The following FGD4 variants were observed in gnomAD, a reference collection of about 807,000 sequenced individuals.
FGD4 encodes FYVE, RhoGEF and PH domain containing 4, also known as FYVE, RhoGEF and PH domain-containing protein 4.
FGD4 carries 42 observed loss-of-function variants against 102.0 expected under a neutral mutation model. The ratio of observed to expected loss-of-function variants is 0.41; its 90% confidence interval spans 0.32 to 0.53. The LOEUF is 0.53. Ranked by LOEUF, FGD4 falls within the 20% of genes least tolerant of loss-of-function variation. The pLI, the probability that FGD4 is intolerant of heterozygous loss-of-function variation, is 0.21. For missense variants in FGD4, 902 were observed against 1,078.2 expected, an observed-to-expected ratio of 0.84 and a Z score of 2.29; for synonymous variants, 380 against 375.7, an observed-to-expected ratio of 1.01 and a Z score of -0.13.
chr12:32,540,566 CT>C lies in FGD4; in HGVS notation c.167-23557del, dbSNP rs528437420. ...GCCTTTTTTTTTCTTTCTTTCTTTT[CT>C]TTTTTTTTTTTTTGTGAGACAGAGT... On this transcript the variant is annotated intron_variant, in intron 1 of 16. Transcript: ENST00000534526. Among the ~76,000 whole-genome samples the C allele has an allele frequency of 2.7e-3, 365 of 136,340 alleles. 1 individual carries two copies. Among genetic ancestry groups the C allele is most frequent in the Middle Eastern group, 3.9e-3 (1 of 254 alleles). 89.4% of individuals were successfully genotyped at this position (136,340 alleles called of 152,430 possible). A position where few individuals can be genotyped will look rare whatever the true frequency, so the allele number is the denominator to read the frequency against.
intron 1 of FGD4, among the ~76,000 whole-genome samples, chr12:32,457,132 T>G (rs949762172): frequency 1.3e-5 from 2 of 152,296 alleles, no homozygotes; most frequent in East Asian, 3.9e-4. Flanking sequence ...CTATCCTCAG[T>G]TTTTTATTTA....
chr12:32,585,864 A>G, intron 4 of FGD4, among the ~76,000 whole-genome samples: 1 of 143,366 alleles, frequency 7.0e-6, no homozygotes, highest in Admixed American at 6.9e-5. Context: ...AAAAAAAGGG[A>G]AATGCAGATG....
chr12:32,559,668 T>C (rs1185219483), intron 1 of FGD4, among the ~76,000 whole-genome samples: 2 of 152,242 alleles, frequency 1.3e-5, no homozygotes, highest in Non-Finnish European at 2.9e-5. Flanking sequence ...TCGTGGGAGA[T>C]ATTCTCTGTA....
At chr12:32,618,966 C>A (rs1483522820) in intron 10 of FGD4, among the ~76,000 whole-genome samples, 5 of 152,136 alleles carry the variant, frequency 3.3e-5, no homozygotes, top group Non-Finnish European at 7.4e-5. Context: ...ATCATAATTG[C>A]TAAATATTAC....
intron 1 of FGD4, among the ~76,000 whole-genome samples, chr12:32,537,887 T>C (rs1378120550): frequency 1.3e-5 from 2 of 152,110 alleles, no homozygotes; most frequent in Admixed American, 6.5e-5. Context: ...TTATAGCAGT[T>C]TTTTTGTTTG....
chr12:32,510,397 C>A (rs1939237596), intron 1 of FGD4, among the ~76,000 whole-genome samples: 2 of 152,016 alleles, frequency 1.3e-5, no homozygotes, highest in Admixed American at 1.3e-4. Flanking sequence ...AATAAAAATA[C>A]TAGAGGGAAT....
chr12:32,487,073 C>A (rs1591994205), intron 1 of FGD4, among the ~76,000 whole-genome samples: 1 of 152,192 alleles, frequency 6.6e-6, no homozygotes, highest in East Asian at 1.9e-4. Flanking sequence ...TTCAGTTGCT[C>A]TACACTATTC....
chr12:32,612,140 A>G (rs1373843640), intron 10 of FGD4, among the ~76,000 whole-genome samples: 1 of 152,184 alleles, frequency 6.6e-6, no homozygotes, highest in Non-Finnish European at 1.5e-5. Context: ...GGGGTTGCTG[A>G]GGGTGGCTTG....
intron 3 of FGD4, among the ~76,000 whole-genome samples, chr12:32,578,845 A>T (rs984903955): frequency 3.3e-5 from 5 of 151,078 alleles, no homozygotes; most frequent in Non-Finnish European, 7.4e-5. Context: ...AAAAAAAAAC[A>T]TCGTAGCACT....
intron 1 of FGD4, among the ~76,000 whole-genome samples, chr12:32,451,834 C>CAAAAAAAAAAAAAAAAAAAAAA (rs60760923): frequency 4.1e-5 from 1 of 24,144 alleles, no homozygotes; most frequent in Non-Finnish European, 7.0e-5. Flanking sequence ...AACTCCATCT[C>CAAAAAAAAAAAAAAAAAAAAAA]AAAAAAAAAA....
chr12:32,562,446 G>T (rs1944693086), intron 1 of FGD4, among the ~76,000 whole-genome samples: 1 of 152,156 alleles, frequency 6.6e-6, no homozygotes, highest in Non-Finnish European at 1.5e-5. Context: ...ATCATTCTTG[G>T]GTGTTTCTCG....
chr12:32,547,647 C>T (rs1459046810), intron 1 of FGD4, among the ~76,000 whole-genome samples: 1 of 152,180 alleles, frequency 6.6e-6, no homozygotes, highest in Admixed American at 6.5e-5. Flanking sequence ...TTATTACTAA[C>T]AGTAGTAAGA....
Position 32,537,321 on chromosome 12 carries a change from CTA to C in FGD4, c.167-26814_167-26813del, listed in dbSNP as rs543912039. On this transcript the variant is annotated intron_variant, in intron 1 of 16. Coordinates refer to ENST00000534526, the MANE Select transcript of FGD4 (RefSeq NM_001370298.3). ...CTTGCTTCAAGATATATCAAACTGA[CTA>C]TGTCTTATTGCCTCTACTGTTACTT... Among the ~76,000 whole-genome samples, 24 of 152,304 alleles carry C rather than the reference CTA, an allele frequency of 1.6e-4. No homozygotes were observed. The East Asian group carries it at 4.6e-3, about 29-fold the overall frequency.
intron 1 of FGD4, among the ~76,000 whole-genome samples, chr12:32,520,351 C>T (rs1251240412): frequency 6.6e-6 from 1 of 151,952 alleles, no homozygotes; most frequent in Non-Finnish European, 1.5e-5. Context: ...TAAAAACAAG[C>T]AGATTCAGTC....
Position 32,526,238 on chromosome 12 carries a change from G to A in FGD4, c.167-37899G>A, listed in dbSNP as rs555574693. ...CTCAAGGTTTGTGAGCGCACCAGTC[G>A]ACACTCTGTATCTAGCTGCTCTGGT... On this transcript the variant is annotated intron_variant, in intron 1 of 16. Transcript: ENST00000534526. Among the ~76,000 whole-genome samples, 7 of 152,280 alleles carry A rather than the reference G, an allele frequency of 4.6e-5. No homozygotes were observed. The East Asian group carries it at 9.7e-4, about 21-fold the overall frequency.
intron 1 of FGD4, among the ~76,000 whole-genome samples, chr12:32,481,675 G>T (rs10444424): frequency 0.36 from 54,023 of 151,976 alleles, 9,873 homozygotes; most frequent in South Asian, 0.49. Flanking sequence ...ATGTAAGTTA[G>T]CTGGGTGTGG....
chr12:32,505,730 C>T (rs549326064), intron 1 of FGD4, among the ~76,000 whole-genome samples: 3 of 152,270 alleles, frequency 2.0e-5, no homozygotes, highest in Non-Finnish European at 2.9e-5. Context: ...CGGCTCTGTA[C>T]GGCTAATTGT....
At chr12:32,628,487 G>T (rs11052115) in intron 14 of FGD4, among the ~76,000 whole-genome samples, 22,672 of 151,998 alleles carry the variant, frequency 0.15, 1,945 homozygotes, top group Middle Eastern at 0.26. Context: ...GTGGGAGATG[G>T]CGACTGAACT....
intron 1 of FGD4, among the ~76,000 whole-genome samples, chr12:32,549,566 T>A (rs574407996): frequency 2.5e-4 from 38 of 152,310 alleles, no homozygotes; most frequent in Admixed American, 2.0e-3. Flanking sequence ...AGAGCCTGTG[T>A]ATAATTGGCC....
Sources: allele counts gnomAD v4.1 joint callset (sites outside exome capture counted in the v4.1 genomes callset), GRCh38; gene constraint gnomAD v4.1.1; transcripts MANE v1.5; gene names NCBI Gene and HGNC (gene_info 2026-07-23, HGNC 2026-07-21).